Variants in SPECC1L observed in about 807,000 individuals in gnomAD.
The protein encoded by SPECC1L is sperm antigen with calponin homology and coiled-coil domains 1 like, also known as cytospin-A.
In SPECC1L, 40 loss-of-function variants were observed where a neutral mutation model predicts 116.8. The observed-to-expected ratio is 0.34, with a 90% CI of 0.27 to 0.45. SPECC1L has a LOEUF of 0.45. Among genes scored for constraint, SPECC1L ranks in the 20% least tolerant of loss-of-function variants. The pLI is 1.00. For synonymous variants in SPECC1L, 504 were observed against 500.6 expected, an observed-to-expected ratio of 1.01 and a Z score of -0.09; for missense variants, 1,110 against 1,373.6, an observed-to-expected ratio of 0.81 and a Z score of 3.03.
At chr22:24,317,519 G>T (rs2040612787) in intron 4 of SPECC1L, among the ~76,000 whole-genome samples, 1 of 132,138 alleles carries the variant, frequency 7.6e-6, no homozygotes. Context: ...CGGGGCGGCT[G>T]GCCAGGCAGA....
intron 4 of SPECC1L, among the ~76,000 whole-genome samples, chr22:24,317,631 C>G (rs1190877968): frequency 6.6e-6 from 1 of 151,330 alleles, no homozygotes; most frequent in African/African-American, 2.4e-5. Flanking sequence ...CACCTCCCTC[C>G]CGGACGGGGC....
At chr22:24,308,527 G>A (rs992541509) in intron 3 of SPECC1L, among the ~76,000 whole-genome samples, 4 of 152,224 alleles carry the variant, frequency 2.6e-5, no homozygotes, top group Non-Finnish European at 5.9e-5. Context: ...TGGCTTCCAT[G>A]TTTTCCATTG....
chr22:24,273,937 T>TA (rs2048781082), intron 1 of SPECC1L, among the ~76,000 whole-genome samples: 1 of 152,216 alleles, frequency 6.6e-6, no homozygotes, highest in Non-Finnish European at 1.5e-5. Context: ...TTTGTATTTT[T>TA]AGTAGAGACA....
chr22:24,393,658 T>A (rs1569446699), intron 14 of SPECC1L, among the ~76,000 whole-genome samples: 3 of 152,198 alleles, frequency 2.0e-5, no homozygotes, highest in South Asian at 2.1e-4. Context: ...TCCTTTTTTT[T>A]AATAGTTGCA....
intron 6 of SPECC1L, among the ~76,000 whole-genome samples, chr22:24,325,380 T>A (rs2040797899): frequency 6.6e-6 from 1 of 152,106 alleles, no homozygotes; most frequent in Non-Finnish European, 1.5e-5. Flanking sequence ...CAAATTCCTT[T>A]GTTTCCAGGA....
intron 2 of SPECC1L, among the ~76,000 whole-genome samples, chr22:24,282,603 G>A (rs1057059321): frequency 2.0e-5 from 3 of 152,142 alleles, no homozygotes; most frequent in African/African-American, 7.2e-5. Flanking sequence ...TTAGCTACAG[G>A]TATTTCATAT....
intron 2 of SPECC1L, among the ~76,000 whole-genome samples, chr22:24,288,905 T>A (rs1254161345): frequency 3.3e-5 from 5 of 152,252 alleles, no homozygotes; most frequent in Non-Finnish European, 7.3e-5. Context: ...ATTACAGGCG[T>A]GAGCCATTGC....
intron 14 of SPECC1L, among the ~76,000 whole-genome samples, chr22:24,383,110 T>C (rs139957782): frequency 1.3e-5 from 2 of 152,306 alleles, no homozygotes; most frequent in African/African-American, 4.8e-5. Context: ...AGGCCTTCGG[T>C]TGAGACCTCA....
At chr22:24,394,742 G>A (rs2042335565) in intron 14 of SPECC1L, among the ~76,000 whole-genome samples, 1 of 152,162 alleles carries the variant, frequency 6.6e-6, no homozygotes, top group South Asian at 2.1e-4. Context: ...GCTGTTTCCT[G>A]GTTTTAATTT....
chr22:24,285,493 T>C (rs545517648), intron 2 of SPECC1L, among the ~76,000 whole-genome samples: 1 of 152,298 alleles, frequency 6.6e-6, no homozygotes, highest in African/African-American at 2.4e-5. Context: ...ACCCAACCAG[T>C]CTGAGTTCTT....
intron 6 of SPECC1L, 74 bp downstream of exon 6, chr22:24,324,501 T>C: frequency 1.4e-6 from 2 of 1,383,852 alleles, no homozygotes; most frequent in Admixed American, 3.6e-5. Flanking sequence ...CATTTAGTAA[T>C]AAAATAGGGC....
At chr22:24,283,345 T>C (rs1457297231) in intron 2 of SPECC1L, among the ~76,000 whole-genome samples, 1 of 152,252 alleles carries the variant, frequency 6.6e-6, no homozygotes, top group Admixed American at 6.5e-5. Context: ...CCCAAAGTGC[T>C]GGGATTACAG....
chr22:24,382,622 G>A (rs1022703288), intron 14 of SPECC1L, among the ~76,000 whole-genome samples: 1 of 143,044 alleles, frequency 7.0e-6, no homozygotes, highest in African/African-American at 2.6e-5. Flanking sequence ...AGAATGGCGT[G>A]AACCCAGAGG....
chr22:24,383,693 A>G (rs2042102481), intron 14 of SPECC1L, among the ~76,000 whole-genome samples: 1 of 151,142 alleles, frequency 6.6e-6, no homozygotes, highest in Admixed American at 6.6e-5. Flanking sequence ...CCTGAGTACA[A>G]TGGTGCGATC....
chr22:24,359,128 C>G (rs2041593264), intron 11 of SPECC1L, among the ~76,000 whole-genome samples: 1 of 152,130 alleles, frequency 6.6e-6, no homozygotes, highest in African/African-American at 2.4e-5. Context: ...CCTCTGTTGC[C>G]CACCAGCTAC....
At chr22:24,398,305 A>ATCAT (rs75922678) in intron 14 of SPECC1L, among the ~76,000 whole-genome samples, 2,968 of 152,278 alleles carry the variant, frequency 0.019, 51 homozygotes, top group African/African-American at 0.042. Flanking sequence ...TTAAATCTTC[A>ATCAT]TCATTATTTT....
Position 24,321,560 on chromosome 22 carries a change from A to G in SPECC1L, c.580A>G (p.Thr194Ala). Reference protein sequence around the residue: ...KVKDLLTLAKTKDVEILHLRN... With the variant: ...KVKDLLTLAKAKDVEILHLRN... ...GAAGGATCTTCTCACGCTGGCAAAA[A>G]CCAAAGACGTAGAAATTTTACATTT... is the stretch of plus-strand genomic sequence containing the variant. The change falls in exon 5 of 17, where the codon ACC (threonine) becomes GCC (alanine). Residue 194 changes from threonine (T) to alanine (A), a missense_variant. By Grantham distance (58) the Thr-to-Ala change is moderately conservative. Transcript: ENST00000314328. 1 of 1,614,214 alleles carries G rather than the reference A, an allele frequency of 6.2e-7. No homozygotes were observed. Among genetic ancestry groups the G allele is most frequent in the Non-Finnish European group, 8.5e-7 (1 of 1,180,036 alleles).
intron 2 of SPECC1L, among the ~76,000 whole-genome samples, chr22:24,277,068 T>C (rs1466287297): frequency 6.6e-6 from 1 of 152,278 alleles, no homozygotes; most frequent in African/African-American, 2.4e-5. Context: ...TTGCAGTTAC[T>C]TAGGTTTGCT....
At chr22:24,318,798 G>T (rs1348477073) in intron 4 of SPECC1L, among the ~76,000 whole-genome samples, 1 of 151,980 alleles carries the variant, frequency 6.6e-6, no homozygotes, top group Non-Finnish European at 1.5e-5. Flanking sequence ...GTATGGTGGC[G>T]TGTGCTTGTA....
Sources: gnomAD v4.1 joint callset for allele counts (sites outside exome capture counted in the v4.1 genomes callset) on GRCh38, gnomAD v4.1.1 for gene constraint, MANE v1.5 for transcripts, NCBI Gene and HGNC (gene_info 2026-07-23, HGNC 2026-07-21) for gene names.